Variants in MAP3K13 observed in about 807,000 individuals in gnomAD.
MAP3K13 encodes leucine zipper-bearing kinase.
In MAP3K13, 52 loss-of-function variants were observed where a neutral mutation model predicts 104.0. That is an observed-to-expected ratio of 0.50 (90% CI 0.40 to 0.63). The LOEUF (loss-of-function observed/expected upper bound fraction) is 0.63, where lower values mean the gene tolerates loss of function less well. Ranked by LOEUF, MAP3K13 falls within the 20% of genes least tolerant of loss-of-function variation. MAP3K13 has a pLI of 0.00. For missense variants in MAP3K13, 914 were observed against 1,218.5 expected (o/e 0.75, Z 3.72); for synonymous variants, 394 against 442.2 (o/e 0.89, Z 1.37).
chr3:185,478,631 C>T (rs1214879460), intron 12 of MAP3K13, among the ~76,000 whole-genome samples: 2 of 152,056 alleles, frequency 1.3e-5, no homozygotes, highest in African/African-American at 4.8e-5. Flanking sequence ...TGGCTCACAC[C>T]TCTAAACCCA....
chr3:185,354,999 C>T (rs1262108937), intron 2 of MAP3K13, among the ~76,000 whole-genome samples: 2 of 152,216 alleles, frequency 1.3e-5, no homozygotes, highest in East Asian at 1.9e-4. Context: ...CCAATCTTCC[C>T]GGGGCCCTAA....
intron 1 of MAP3K13, among the ~76,000 whole-genome samples, chr3:185,419,297 C>G (rs760744963): frequency 6.6e-6 from 1 of 152,216 alleles, no homozygotes; most frequent in Non-Finnish European, 1.5e-5. Flanking sequence ...CCAGCACATC[C>G]GGCCTATAGT....
intron 1 of MAP3K13, among the ~76,000 whole-genome samples, chr3:185,366,469 G>A (rs1260709507): frequency 6.6e-6 from 1 of 152,104 alleles, no homozygotes; most frequent in Non-Finnish European, 1.5e-5. Context: ...GAATTGCTGG[G>A]TCATTATGAT....
chr3:185,387,220 G>A (rs1711747714), intron 1 of MAP3K13, among the ~76,000 whole-genome samples: 1 of 152,158 alleles, frequency 6.6e-6, no homozygotes, highest in South Asian at 2.1e-4. Context: ...GGGGCCTAAT[G>A]GGAGATGTTT....
chr3:185,323,490 C>T (rs565521969), intron 2 of MAP3K13, among the ~76,000 whole-genome samples: 4 of 152,156 alleles, frequency 2.6e-5, no homozygotes, highest in African/African-American at 9.6e-5. Flanking sequence ...TGCACCTCCA[C>T]GTCCAGCTAA....
Position 185,473,730 on chromosome 3 carries a change from C to T in MAP3K13, c.2399C>T (p.Ala800Val), listed in dbSNP as rs767698480. ...LGTSHLGTPP[A>V]LPRKTRPLQK... ...ACCTCTCATCTCGGCACCCCTCCAG[C>T]GCTACCTCGAAAAACAAGGCCTCTG... is the stretch of plus-strand genomic sequence containing the variant. Residue 800 changes from alanine to valine, a missense_variant, in exon 11 of 14, where the codon GCG becomes GTG. Physicochemically the swap from Ala to Val is moderately conservative, Grantham distance 64. Transcript: ENST00000265026. This position sits in a 1 kb window ranked among gnomAD's most constrained non-coding sequence, Gnocchi z 4.9. 5.1e-5 allele frequency: 82 copies of T among 1,613,550 alleles called. No individual in the cohort carries two copies. Among genetic ancestry groups the T allele is most frequent in the Non-Finnish European group, 6.1e-5 (72 of 1,179,944 alleles).
intron 2 of MAP3K13, among the ~76,000 whole-genome samples, chr3:185,350,373 G>T (rs1177658313): frequency 2.0e-5 from 3 of 152,152 alleles, no homozygotes; most frequent in Admixed American, 2.0e-4. Flanking sequence ...TTTTAGTAGA[G>T]ACTGGGTTTC....
chr3:185,285,609 T>C (rs1214357762), exon 2 of MAP3K13: 1 of 1,535,032 alleles, frequency 6.5e-7, no homozygotes, highest in Non-Finnish European at 8.7e-7. Flanking sequence ...AGTCAATATG[T>C]ATTGTGGCAT....
At chr3:185,426,242 G>A (rs1051114154) in intron 1 of MAP3K13, among the ~76,000 whole-genome samples, 4 of 152,022 alleles carry the variant, frequency 2.6e-5, no homozygotes, top group East Asian at 3.9e-4. Flanking sequence ...CACCATGCCC[G>A]GCTAATTTTT....
chr3:185,428,518 T>C lies in MAP3K13; in HGVS notation c.-64T>C. The C allele has an allele frequency of 6.6e-7, 1 of 1,512,516 alleles. No homozygotes were observed. Among genetic ancestry groups the C allele is most frequent in the Non-Finnish European group, 8.8e-7 (1 of 1,132,962 alleles). 93.7% of individuals were successfully genotyped at this position (1,512,516 alleles called of 1,614,324 possible). On this transcript the variant is annotated 5_prime_UTR_variant, in exon 2 of 14. Transcript: ENST00000265026. The stretch of plus-strand genomic sequence containing the variant: ...TCAGGTTTTGGAGCCCTCTCTTAAG[T>C]CAGAACTCTGTCCCAAAAATCTTCT...
At chr3:185,465,493 C>T (rs1019273589) in intron 8 of MAP3K13, among the ~76,000 whole-genome samples, 1 of 152,208 alleles carries the variant, frequency 6.6e-6, no homozygotes, top group African/African-American at 2.4e-5. Flanking sequence ...AAATTATAGA[C>T]AGATTTTTAT....
At chr3:185,455,884 TGATATAG>T (rs1560121202) in intron 7 of MAP3K13, among the ~76,000 whole-genome samples, 40 of 124,972 alleles carry the variant, frequency 3.2e-4, no homozygotes, top group Middle Eastern at 4.4e-3. Flanking sequence ...ATGAGATATA[TGATATAG>T]ATGAGATATA....
intron 7 of MAP3K13, among the ~76,000 whole-genome samples, chr3:185,457,871 GA>G (rs1203677992): frequency 5.3e-5 from 8 of 152,170 alleles, no homozygotes; most frequent in Admixed American, 1.3e-4. Context: ...CAAATAGTAA[GA>G]GACCTTTAGT....
At chr3:185,424,143 T>C (rs184757044) in intron 1 of MAP3K13, among the ~76,000 whole-genome samples, 118 of 152,270 alleles carry the variant, frequency 7.7e-4, no homozygotes, top group African/African-American at 2.0e-3. Context: ...GAGAATGTCA[T>C]GATTAGGGAA....
At position 185,427,800 on chromosome 3, in the gene MAP3K13, C is replaced by T. The variant is rs1052689995; in HGVS notation, c.-85-697C>T. ...TTCTTTTCTGATTAAAAAGATAGGC[C>T]GGGCACGGTGGCTCACGCCTGTAAT... On this transcript the variant is annotated intron_variant, in intron 1 of 13. Transcript: ENST00000265026. 1.6e-4 allele frequency among the ~76,000 whole-genome samples: 25 copies of T among 152,146 alleles called. 1 individual carries two copies. The South Asian group carries it at 1.9e-3, about 11-fold the overall frequency.
At chr3:185,435,708 G>A (rs1009630119) in intron 2 of MAP3K13, among the ~76,000 whole-genome samples, 10 of 152,252 alleles carry the variant, frequency 6.6e-5, no homozygotes, top group East Asian at 1.9e-4. Flanking sequence ...TTTGCTCTAT[G>A]TAGTTATATT....
intron 2 of MAP3K13, among the ~76,000 whole-genome samples, chr3:185,302,200 C>T (rs1321339354): frequency 6.6e-6 from 1 of 150,770 alleles, no homozygotes; most frequent in Non-Finnish European, 1.5e-5. Context: ...GTCAGGAGTT[C>T]GAGACCAGCC....
intron 2 of MAP3K13, chr3:185,292,492 T>C (rs1132499): frequency 4.5e-6 from 1 of 220,354 alleles, no homozygotes; most frequent in African/African-American, 2.3e-5. Context: ...ACTTAACCTC[T>C]CTGAACCTTA....
chr3:185,393,113 AG>A (rs1306328763), intron 1 of MAP3K13, among the ~76,000 whole-genome samples: 48 of 152,282 alleles, frequency 3.2e-4, no homozygotes, highest in Non-Finnish European at 5.7e-4. Context: ...CTGTGCTAGA[AG>A]GGGTTATTGG....
Sources: allele counts gnomAD v4.1 joint callset (sites outside exome capture counted in the v4.1 genomes callset), GRCh38; gene constraint gnomAD v4.1.1; non-coding constraint Gnocchi (gnomAD v3.1); transcripts MANE v1.5; gene names NCBI Gene and HGNC (gene_info 2026-07-23, HGNC 2026-07-21).